CA10: variants seen among roughly 807,000 people sequenced by gnomAD.
CA10 encodes the protein carbonic anhydrase-related protein 10.
CA10 carries 14 observed loss-of-function variants against 44.2 expected under a neutral mutation model. That is an observed-to-expected ratio of 0.32 (90% confidence interval 0.21 to 0.50). The LOEUF (loss-of-function observed/expected upper bound fraction) is 0.50. CA10 is among the 20% of genes least tolerant of loss of function. The pLI is 0.99. For missense variants in CA10, 350 were observed against 409.7 expected, an observed-to-expected ratio of 0.85 and a Z score of 1.26; for synonymous variants, 159 against 141.6, an observed-to-expected ratio of 1.12 and a Z score of -0.87.
At chr17:51,636,065 C>T in intron 6 of CA10, 56 bp from the exon 7 acceptor site, 3 of 1,057,150 alleles carry the variant, frequency 2.8e-6, no homozygotes, top group East Asian at 2.4e-5. Context: ...GATGGTATTG[C>T]TGACATACAT....
At chr17:52,038,784 A>G (rs141229428) in intron 2 of CA10, among the ~76,000 whole-genome samples, 317 of 152,270 alleles carry the variant, frequency 2.1e-3, no homozygotes, top group Non-Finnish European at 3.5e-3. Flanking sequence ...TACACTCTTT[A>G]AACATTTCTC....
At chr17:51,874,688 C>A (rs1979973448) in intron 3 of CA10, among the ~76,000 whole-genome samples, 2 of 152,132 alleles carry the variant, frequency 1.3e-5, no homozygotes, top group South Asian at 4.1e-4. Context: ...ATACCTCAAG[C>A]AATAGCCCAC....
At chr17:51,785,239 G>A (rs949802321) in intron 3 of CA10, among the ~76,000 whole-genome samples, 15 of 152,182 alleles carry the variant, frequency 9.9e-5, no homozygotes, top group Non-Finnish European at 2.1e-4. Context: ...ACAAACATGA[G>A]AGTGTAGATG....
chr17:52,111,564 G>C (rs1233076845), intron 1 of CA10, among the ~76,000 whole-genome samples: 3 of 152,124 alleles, frequency 2.0e-5, no homozygotes, highest in Non-Finnish European at 4.4e-5. Flanking sequence ...AATGTATACA[G>C]GTCCCAGTAC....
At chr17:52,053,670 T>A (rs1467058543) in intron 2 of CA10, among the ~76,000 whole-genome samples, 1 of 151,736 alleles carries the variant, frequency 6.6e-6, no homozygotes, top group Non-Finnish European at 1.5e-5. Flanking sequence ...GAGATAGAAA[T>A]TGAGTGCACA....
rs564839056 is a variant in CA10, at chr17:51,702,595, G to A, written c.465+45038C>T. Among the ~76,000 whole-genome samples, 34 of 152,298 alleles carry A rather than the reference G, an allele frequency of 2.2e-4. 1 individual carries two copies. The South Asian group carries it at 4.8e-3, about 21-fold the overall frequency. ...CACCTGGACCCCAGACTCCCTCTCC[G>A]CCTTTCTCTGCCTGGGGAGACCCAC... On this transcript the variant is annotated intron_variant, in intron 4 of 8. Transcript: ENST00000451037.
At chr17:51,878,170 A>G (rs1014440240) in intron 3 of CA10, among the ~76,000 whole-genome samples, 2 of 151,098 alleles carry the variant, frequency 1.3e-5, no homozygotes, top group Admixed American at 6.6e-5. Context: ...AAAAAAAAGA[A>G]AAAGGAAAAA....
intron 1 of CA10, among the ~76,000 whole-genome samples, chr17:52,127,469 T>C (rs935423446): frequency 2.4e-4 from 37 of 152,172 alleles, no homozygotes; most frequent in Non-Finnish European, 4.1e-4. Context: ...GCTTCAGAAG[T>C]ATTCACTTCC....
At chr17:51,856,137 T>A (rs1979031544) in intron 3 of CA10, among the ~76,000 whole-genome samples, 1 of 152,204 alleles carries the variant, frequency 6.6e-6, no homozygotes, top group Admixed American at 6.5e-5. Flanking sequence ...CCCTGGACAA[T>A]CCTGTCTCTT....
At chr17:52,126,983 T>C (rs1366133033) in intron 1 of CA10, among the ~76,000 whole-genome samples, 1 of 152,192 alleles carries the variant, frequency 6.6e-6, no homozygotes, top group Non-Finnish European at 1.5e-5. Context: ...CCTCTTTACT[T>C]ATATATTTGT....
chr17:51,780,065 A>G (rs1032689429), intron 3 of CA10, among the ~76,000 whole-genome samples: 7 of 127,876 alleles, frequency 5.5e-5, no homozygotes, highest in Non-Finnish European at 1.1e-4. Context: ...TTTTAACAGA[A>G]AAAAAACTTT....
At chr17:52,093,896 G>T (rs1301997139) in intron 1 of CA10, among the ~76,000 whole-genome samples, 3 of 152,234 alleles carry the variant, frequency 2.0e-5, no homozygotes, top group African/African-American at 7.2e-5. Context: ...AAAGTTACTT[G>T]ATCAGGGTCA....
intron 1 of CA10, among the ~76,000 whole-genome samples, chr17:52,140,860 T>TA (rs1271639120): frequency 1.3e-5 from 2 of 152,146 alleles, no homozygotes; most frequent in Non-Finnish European, 2.9e-5. Context: ...CAGAGCCTGG[T>TA]AAAGCTCATT....
intron 2 of CA10, among the ~76,000 whole-genome samples, chr17:52,027,285 C>T (rs562809996): frequency 1.7e-4 from 26 of 151,844 alleles, no homozygotes; most frequent in Non-Finnish European, 3.8e-4. Context: ...GCAGATGAAG[C>T]TTCCCTCACT....
At chr17:51,907,489 T>C (rs1272960438) in intron 3 of CA10, among the ~76,000 whole-genome samples, 2 of 152,146 alleles carry the variant, frequency 1.3e-5, no homozygotes, top group Non-Finnish European at 2.9e-5. Context: ...TGTATATATA[T>C]CTACGTACTT....
intron 1 of CA10, among the ~76,000 whole-genome samples, chr17:52,129,288 C>A (rs1388660900): frequency 6.6e-6 from 1 of 152,180 alleles, no homozygotes; most frequent in Non-Finnish European, 1.5e-5. Flanking sequence ...CAAAAAGCTT[C>A]TTGTAGCAGG....
At chr17:51,677,396 C>T (rs75659221) in intron 4 of CA10, among the ~76,000 whole-genome samples, 15,638 of 152,050 alleles carry the variant, frequency 0.1, 1,025 homozygotes, top group East Asian at 0.29. Context: ...TGCTCTTCCT[C>T]CTGCTCCAGC....
At chr17:51,680,830 A>G (rs919716810) in intron 4 of CA10, among the ~76,000 whole-genome samples, 2 of 152,084 alleles carry the variant, frequency 1.3e-5, no homozygotes, top group Non-Finnish European at 2.9e-5. Context: ...AGGGAATGGA[A>G]CCCACTTGGA....
chr17:51,957,811 T>C (rs1379078576), intron 2 of CA10, among the ~76,000 whole-genome samples: 1 of 152,192 alleles, frequency 6.6e-6, no homozygotes, highest in African/African-American at 2.4e-5. Context: ...ACTCCTGCTT[T>C]GAATGACATT....
Sources: allele counts gnomAD v4.1 joint callset (sites outside exome capture counted in the v4.1 genomes callset), GRCh38; gene constraint gnomAD v4.1.1; transcripts MANE v1.5; gene names NCBI Gene and HGNC (gene_info 2026-07-23, HGNC 2026-07-21).